Variants in ADAMTSL1 observed in about 807,000 individuals in gnomAD.
ADAMTSL1 encodes ADAMTS-like protein 1.
ADAMTSL1 carries 126 observed loss-of-function variants against 201.8 expected under a neutral mutation model. The observed-to-expected ratio is 0.62, with a 90% CI of 0.54 to 0.72. The LOEUF (loss-of-function observed/expected upper bound fraction) is 0.72. Ranked by LOEUF, ADAMTSL1 falls within the 30% of genes least tolerant of loss-of-function variation. The probability of loss-of-function intolerance (pLI) is 0.00; values close to 1 mark genes in which losing one functional copy is unlikely to be tolerated. For synonymous variants in ADAMTSL1, 1,121 were observed against 903.4 expected (o/e 1.24, Z -4.32); for missense variants, 2,679 against 2,277.8 (o/e 1.18, Z -3.59).
At chr9:17,956,234 G>T (rs566174980) in intron 1 of ADAMTSL1, among the ~76,000 whole-genome samples, 2 of 152,054 alleles carry the variant, frequency 1.3e-5, no homozygotes, top group African/African-American at 4.8e-5. Context: ...GGTAAATGCC[G>T]TCAGTGTTTT....
At chr9:18,852,375 C>T (rs1031750301) in intron 23 of ADAMTSL1, among the ~76,000 whole-genome samples, 11 of 152,188 alleles carry the variant, frequency 7.2e-5, no homozygotes, top group Non-Finnish European at 1.3e-4. Context: ...GCTCAGTTAA[C>T]ATCAGTCATT....
At chr9:18,017,949 C>A (rs912232185) in intron 1 of ADAMTSL1, among the ~76,000 whole-genome samples, 1 of 152,014 alleles carries the variant, frequency 6.6e-6, no homozygotes, top group Non-Finnish European at 1.5e-5. Context: ...ATACCATTAT[C>A]TTTGTTGTTC....
Position 18,520,315 on chromosome 9 carries a change from T to C in ADAMTSL1, c.192-12932T>C, listed in dbSNP as rs1291418588. ...ACCCCAAACCTACATAATTTCTATT[T>C]ATATCAAATTTAGTCTCCACAATAA... On this transcript the variant is annotated intron_variant, in intron 2 of 28. Coordinates refer to ENST00000380548, the MANE Select transcript of ADAMTSL1 (RefSeq NM_001040272.6). Among the ~76,000 whole-genome samples, 3 of 152,350 alleles carry C rather than the reference T, an allele frequency of 2.0e-5. No individual in the cohort carries two copies. In the East Asian group the frequency reaches 5.8e-4, roughly 29 times the overall value.
intron 5 of ADAMTSL1, among the ~76,000 whole-genome samples, chr9:18,633,284 G>A (rs554821216): frequency 1.1e-4 from 16 of 152,148 alleles, no homozygotes; most frequent in Non-Finnish European, 2.2e-4. Context: ...TATGCAAGGC[G>A]TTTAAAGCTC....
At chr9:18,443,384 C>T (rs967695875) in intron 2 of ADAMTSL1, among the ~76,000 whole-genome samples, 2 of 152,122 alleles carry the variant, frequency 1.3e-5, no homozygotes, top group Non-Finnish European at 2.9e-5. Context: ...TAATGAATAC[C>T]ATTGCTTACA....
intron 1 of ADAMTSL1, among the ~76,000 whole-genome samples, chr9:18,142,644 A>AT (rs1239886465): frequency 6.6e-6 from 1 of 152,186 alleles, no homozygotes; most frequent in Non-Finnish European, 1.5e-5. Flanking sequence ...CAAGAGGCAG[A>AT]TTTTTAACAC....
intron 1 of ADAMTSL1, among the ~76,000 whole-genome samples, chr9:18,503,643 A>C (rs893199530): frequency 2.0e-5 from 3 of 152,100 alleles, no homozygotes; most frequent in African/African-American, 7.2e-5. Context: ...AGAGCTAGGA[A>C]GCTCTAAAGC....
rs1168837556 is a variant in ADAMTSL1, at chr9:18,878,802, T to C, written c.4250-9029T>C. Among the ~76,000 whole-genome samples the C allele has an allele frequency of 2.0e-5, 3 of 152,196 alleles. No individual in the cohort carries two copies. The East Asian group carries it at 5.8e-4, about 29-fold the overall frequency. ...GAGTGGAAGCTGCAAGTTAGTTTTG[T>C]CTCCTATCTGCCATTTTTCCCCTCA... On this transcript the variant is annotated intron_variant, in intron 23 of 28. Coordinates refer to ENST00000380548, the MANE Select transcript of ADAMTSL1 (RefSeq NM_001040272.6).
intron 1 of ADAMTSL1, among the ~76,000 whole-genome samples, chr9:17,997,760 G>T (rs557739849): frequency 6.6e-6 from 1 of 151,962 alleles, no homozygotes; most frequent in African/African-American, 2.4e-5. Flanking sequence ...GAATATGGTA[G>T]CATTTCAAAA....
At chr9:18,456,832 C>A (rs1394839372) in intron 2 of ADAMTSL1, among the ~76,000 whole-genome samples, 1 of 152,168 alleles carries the variant, frequency 6.6e-6, no homozygotes, top group Non-Finnish European at 1.5e-5. Context: ...CATGAAGCTA[C>A]TCCTGTTTGC....
chr9:18,659,250 A>G (rs915333886), intron 8 of ADAMTSL1, among the ~76,000 whole-genome samples: 5 of 152,232 alleles, frequency 3.3e-5, no homozygotes, highest in Non-Finnish European at 7.3e-5. Flanking sequence ...AAAACATTGT[A>G]TGATGTAATT....
intron 10 of ADAMTSL1, among the ~76,000 whole-genome samples, chr9:18,678,696 T>C (rs1441556179): frequency 6.6e-6 from 1 of 152,170 alleles, no homozygotes; most frequent in Non-Finnish European, 1.5e-5. Context: ...TCTAAGTGAT[T>C]AAATGTACAT....
At chr9:18,102,782 A>G (rs1027438861) in intron 1 of ADAMTSL1, among the ~76,000 whole-genome samples, 2 of 152,224 alleles carry the variant, frequency 1.3e-5, no homozygotes, top group African/African-American at 4.8e-5. Context: ...TGATCAAGGG[A>G]TGAATGGCAG....
chr9:18,247,927 G>A (rs1831324810), intron 2 of ADAMTSL1, among the ~76,000 whole-genome samples: 1 of 152,000 alleles, frequency 6.6e-6, no homozygotes, highest in South Asian at 2.1e-4. Context: ...GGAGTGCTTT[G>A]TGCAGAAGAT....
At chr9:18,257,218 T>C (rs577226360) in intron 2 of ADAMTSL1, among the ~76,000 whole-genome samples, 12 of 152,204 alleles carry the variant, frequency 7.9e-5, no homozygotes, top group Non-Finnish European at 1.8e-4. Context: ...TTCATAAAAA[T>C]GTTTTTTAAA....
intron 1 of ADAMTSL1, among the ~76,000 whole-genome samples, chr9:17,990,753 T>C (rs1819121527): frequency 6.6e-6 from 1 of 152,122 alleles, no homozygotes; most frequent in Admixed American, 6.6e-5. Flanking sequence ...CGTTACTAGA[T>C]AATATTGTTT....
chr9:18,843,674 A>G (rs924586841), intron 23 of ADAMTSL1, among the ~76,000 whole-genome samples: 8 of 150,862 alleles, frequency 5.3e-5, no homozygotes, highest in East Asian at 1.9e-4. Flanking sequence ...AGGTACACCA[A>G]TCAGACGTAG....
At chr9:18,058,359 C>T (rs1470939493) in intron 1 of ADAMTSL1, among the ~76,000 whole-genome samples, 2 of 152,164 alleles carry the variant, frequency 1.3e-5, no homozygotes, top group African/African-American at 4.8e-5. Flanking sequence ...CAGATGGGCA[C>T]ACTGCCTTCC....
intron 2 of ADAMTSL1, among the ~76,000 whole-genome samples, chr9:18,219,911 A>G (rs1176647983): frequency 1.3e-5 from 2 of 152,106 alleles, no homozygotes; most frequent in African/African-American, 4.8e-5. Flanking sequence ...TTTTTTCTAT[A>G]GACTTGCTTT....
Sources: gnomAD v4.1 joint callset for allele counts (sites outside exome capture counted in the v4.1 genomes callset) on GRCh38, gnomAD v4.1.1 for gene constraint, MANE v1.5 for transcripts, NCBI Gene and HGNC (gene_info 2026-07-23, HGNC 2026-07-21) for gene names.